Variants in BRAT1 observed in about 807,000 individuals in gnomAD.
BRAT1 encodes the protein BRCA1 associated ATM activator 1, also known as integrator complex assembly factor BRAT1.
A neutral mutation model predicts 70.6 loss-of-function variants in BRAT1; 74 were observed. The observed-to-expected ratio is 1.05, with a 90% CI of 0.87 to 1.27. BRAT1 has a LOEUF of 1.27. BRAT1 is among the 50% of genes most tolerant of loss of function. The pLI is 0.00. For synonymous variants in BRAT1, 615 were observed against 517.1 expected (o/e 1.19, Z -2.57); for missense variants, 1,203 against 1,098.2 (o/e 1.10, Z -1.35).
At chr7:2,538,811 C>T (rs747200103) in intron 13 of BRAT1, 47 bp from the exon 14 acceptor site, 24 of 1,591,522 alleles carry the variant, frequency 1.5e-5, no homozygotes, top group Non-Finnish European at 1.7e-5. Context: ...GTGGCAGGAG[C>T]GAGGCTCCCG....
At chr7:2,549,969 T>C (rs967204487) in intron 2 of BRAT1, among the ~76,000 whole-genome samples, 2 of 152,112 alleles carry the variant, frequency 1.3e-5, no homozygotes, top group Non-Finnish European at 2.9e-5. Flanking sequence ...TAAAGCAGCC[T>C]GGGCAACGTG....
intron 2 of BRAT1, among the ~76,000 whole-genome samples, chr7:2,554,044 G>C (rs556466370): frequency 2.0e-5 from 3 of 152,284 alleles, no homozygotes; most frequent in South Asian, 2.1e-4. Flanking sequence ...GCCTTCTGTA[G>C]AACTGAACCT....
At chr7:2,540,622 G>C (rs749202691) in intron 10 of BRAT1, 4 of 232,732 alleles carry the variant, frequency 1.7e-5, no homozygotes, top group East Asian at 8.5e-5. Flanking sequence ...AGCTCCGTGA[G>C]GGGCTGTGGA....
At chr7:2,540,170 C>T (rs1779037411) in intron 10 of BRAT1, 1 of 391,618 alleles carries the variant, frequency 2.6e-6, no homozygotes, top group Non-Finnish European at 4.6e-6. Context: ...AGGCACACAT[C>T]ACCACGCCTG....
At chr7:2,554,752 C>T (rs544635501) in intron 1 of BRAT1, among the ~76,000 whole-genome samples, 2 of 152,328 alleles carry the variant, frequency 1.3e-5, no homozygotes, top group East Asian at 3.9e-4. Flanking sequence ...GTCGGGGCAA[C>T]AGCGTGGTGC....
Position 2,539,613 on chromosome 7 carries a change from A to T in BRAT1, c.1528T>A (p.Cys510Ser). ...TCCCTCACCTCCCAGCAGGGGTGGC[A>T]CAGGCGTTTCTGCAGCACAGGGAAC... ...ELFPVLQKRLCHPCWEVRDSA... is the reference protein window; with the variant it reads ...ELFPVLQKRLSHPCWEVRDSA... The change falls in exon 12 of 14, where the codon TGC becomes AGC. Residue 510 changes from cysteine (C) to serine (S), a missense_variant. By Grantham distance (112) the Cys-to-Ser change is moderately radical (BLOSUM62 -1). Coordinates refer to ENST00000340611, the MANE Select transcript of BRAT1 (RefSeq NM_152743.4). The T allele has an allele frequency of 6.3e-7, 1 of 1,594,178 alleles. No homozygotes were observed. The highest frequency in any genetic ancestry group is 1.1e-5 in the South Asian group (1 of 88,150).
rs1779189884 is a variant in BRAT1, at chr7:2,541,793, T to A, written c.1059A>T (p.Thr353=). The change falls in exon 8 of 14, where the codon ACA becomes ACT. Residue 353 remains threonine (T), a synonymous_variant. Transcript: ENST00000340611. ...GTADDATTVD[T]LLASKSSCAG... ...CGCAGGACGACTTGGAGGCCAGGAG[T>A]GTGTCCACCGTCGTGGCATCGTCTG... is the stretch of plus-strand genomic sequence containing the variant. 6.2e-7 allele frequency: 1 copy of A among 1,612,382 alleles called. No individual in the cohort carries two copies. The highest frequency in any genetic ancestry group is 8.5e-7 in the Non-Finnish European group (1 of 1,179,824).
intron 2 of BRAT1, among the ~76,000 whole-genome samples, chr7:2,552,108 T>TA (rs1780081117): frequency 7.0e-4 from 10 of 14,300 alleles, no homozygotes; most frequent in African/African-American, 1.9e-3. Flanking sequence ...ATATATATAT[T>TA]TTTTTTTTTT....
intron 2 of BRAT1, among the ~76,000 whole-genome samples, chr7:2,548,273 T>C (rs76800700): frequency 0.024 from 3,597 of 152,154 alleles, 61 homozygotes; most frequent in Non-Finnish European, 0.034. Flanking sequence ...GAAAAAGACA[T>C]TTTGAGGCAA....
At chr7:2,539,676 G>T (rs199506042) in intron 11 of BRAT1, 34 bp from the exon 12 acceptor site, 1 of 1,564,578 alleles carries the variant, frequency 6.4e-7, no homozygotes, top group East Asian at 2.4e-5. Context: ...GGGTGACCTT[G>T]GGGCCAGGCT....
Position 2,543,054 on chromosome 7 carries a change from A to C in BRAT1, c.923+150T>G. On this transcript the variant is annotated intron_variant, in intron 6 of 13. Coordinates refer to ENST00000340611, the MANE Select transcript of BRAT1 (RefSeq NM_152743.4). This position sits in a 1 kb window ranked among gnomAD's most constrained non-coding sequence, Gnocchi z 5.5. ...AGAACCTTCAGAAGCTGCCGCGCGCAACCCACGCACCACCCAGTCACACCC... is the reference window on the plus strand; with the variant it reads ...AGAACCTTCAGAAGCTGCCGCGCGCCACCCACGCACCACCCAGTCACACCC... The C allele has an allele frequency of 1.0e-6, 1 of 968,516 alleles. No individual in the cohort carries two copies. The allele number at this position is 968,516 out of a possible 1,614,324, so 60.0% of individuals were successfully genotyped here.
At chr7:2,544,035 A>G in intron 4 of BRAT1, 73 bp from the exon 5 acceptor site, 1 of 995,864 alleles carries the variant, frequency 1.0e-6, no homozygotes, top group Non-Finnish European at 1.3e-6. Flanking sequence ...AGAGGGCCTC[A>G]GGGAAGATAC....
chr7:2,552,093 TATATATATA>T (rs1562593427), intron 2 of BRAT1, among the ~76,000 whole-genome samples: 36 of 18,454 alleles, frequency 2.0e-3, no homozygotes, highest in Non-Finnish European at 3.1e-3. Context: ...TATATATATA[TATATATATA>T]TATATTTTTT....
chr7:2,552,865 G>C (rs1780141169), intron 2 of BRAT1, among the ~76,000 whole-genome samples: 1 of 150,468 alleles, frequency 6.6e-6, no homozygotes. Flanking sequence ...AGCCTCCCAA[G>C]TAACTGGGAC....
In BRAT1 at chr7:2,541,383, C is replaced by T; in HGVS notation, c.1236G>A (p.Gly412=). 6.2e-7 allele frequency: 1 copy of T among 1,607,418 alleles called. No individual in the cohort carries two copies. The highest frequency in any genetic ancestry group is 8.5e-7 in the Non-Finnish European group (1 of 1,179,080). ...CCGCCAGGGTCCCACAGAGGTGGCC[C>T]CCCACACTGGAGGCAGGGGCAGCCG... ...DGSAAPASSV[G]GHLCGTLAGC... Residue 412 remains glycine, a synonymous_variant, in exon 9 of 14, where the codon GGG becomes GGA. Coordinates refer to ENST00000340611, the MANE Select transcript of BRAT1 (RefSeq NM_152743.4).
Position 2,543,778 on chromosome 7 carries a change from G to A in BRAT1, c.615C>T (p.Ser205=), listed in dbSNP as rs1266000312. 2 of 1,612,190 alleles carry A rather than the reference G, an allele frequency of 1.2e-6. No individual in the cohort carries two copies. Among genetic ancestry groups the A allele is most frequent in the East Asian group, 4.5e-5 (2 of 44,844 alleles). Residue 205 remains serine (S), a synonymous_variant, in exon 5 of 14, where the codon TCC becomes TCT. Transcript: ENST00000340611. The surrounding 1 kb of genome is among the most constrained non-coding windows in gnomAD (Gnocchi z 5.5). ...AQKIMDHVEE[S]LCSAATPKVT... ...CCTTGGGGGTGGCCGCGGAGCACAAGGACTCTTCAACGTGATCCATGATCT... is the reference window on the plus strand; with the variant it reads ...CCTTGGGGGTGGCCGCGGAGCACAAAGACTCTTCAACGTGATCCATGATCT...
At chr7:2,550,425 G>A (rs1358583379) in intron 2 of BRAT1, among the ~76,000 whole-genome samples, 1 of 125,090 alleles carries the variant, frequency 8.0e-6, no homozygotes, top group Non-Finnish European at 1.6e-5. Context: ...CCGAGATCAT[G>A]CCACTGCACT....
At chr7:2,544,454 G>A (rs556289643) in intron 4 of BRAT1, among the ~76,000 whole-genome samples, 1 of 152,082 alleles carries the variant, frequency 6.6e-6, no homozygotes, top group East Asian at 1.9e-4. Context: ...CACCCGCCTC[G>A]GCCTCCCAAA....
At chr7:2,541,915 C>A (rs558485116) in intron 7 of BRAT1, 79 bp from the exon 8 acceptor site, 14 of 1,474,532 alleles carry the variant, frequency 9.5e-6, no homozygotes, top group Admixed American at 5.2e-5. Context: ...ACGGTCACCA[C>A]CCACAGCACA....
Sources: gnomAD v4.1 joint callset for allele counts (sites outside exome capture counted in the v4.1 genomes callset) on GRCh38, gnomAD v4.1.1 for gene constraint, Gnocchi (gnomAD v3.1) non-coding constraint, MANE v1.5 for transcripts, NCBI Gene and HGNC (gene_info 2026-07-23, HGNC 2026-07-21) for gene names.